SPOCK1: variants seen among roughly 807,000 people sequenced by gnomAD.
The protein encoded by SPOCK1 is SPARC (osteonectin), cwcv and kazal like domains proteoglycan 1, also known as testican-1.
A neutral mutation model predicts 55.3 loss-of-function variants in SPOCK1; 23 were observed. The ratio of observed to expected loss-of-function variants is 0.42; its 90% CI spans 0.30 to 0.59. The LOEUF is 0.59. SPOCK1 is among the 20% of genes least tolerant of loss of function. The probability of loss-of-function intolerance (pLI) is 0.22; values close to 1 mark genes in which losing one functional copy is unlikely to be tolerated. For missense variants in SPOCK1, 499 were observed against 552.5 expected (o/e 0.90, Z 0.97); for synonymous variants, 226 against 221.0 (o/e 1.02, Z -0.20).
chr5:136,993,200 T>A (rs373651727), intron 6 of SPOCK1: 2 of 152,224 alleles, frequency 1.3e-5, no homozygotes, highest in East Asian at 3.9e-4. Flanking sequence ...AGCCCATCTA[T>A]AACTATTTAG....
At chr5:137,250,560 G>A (rs988122575) in intron 3 of SPOCK1, among the ~76,000 whole-genome samples, 3 of 152,168 alleles carry the variant, frequency 2.0e-5, no homozygotes, top group Non-Finnish European at 4.4e-5. Context: ...CAGCCTCCCT[G>A]AATGCTCCCT....
Position 137,130,088 on chromosome 5 carries a change from A to G in SPOCK1, c.347+10492T>C, listed in dbSNP as rs144827351. 2.8e-3 allele frequency among the ~76,000 whole-genome samples: 426 copies of G among 152,276 alleles called. 3 individuals are homozygous for G. The highest frequency in any genetic ancestry group is 9.6e-3 in the African/African-American group (399 of 41,552). On this transcript the variant is annotated intron_variant, in intron 4 of 10. Coordinates refer to ENST00000394945, the MANE Select transcript of SPOCK1 (RefSeq NM_004598.4). ...ATGAGTGAAGACAGCCAGCCTGTGA[A>G]GCTAGAGGCAAGATGGAGTCACCCA...
intron 3 of SPOCK1, among the ~76,000 whole-genome samples, chr5:137,237,800 C>T (rs1580822598): frequency 6.6e-6 from 1 of 152,132 alleles, no homozygotes; most frequent in Non-Finnish European, 1.5e-5. Context: ...GGGCCTCATT[C>T]CCTGAGTTCC....
intron 2 of SPOCK1, among the ~76,000 whole-genome samples, chr5:137,311,457 A>G (rs1309110161): frequency 6.6e-6 from 1 of 152,254 alleles, no homozygotes; most frequent in East Asian, 1.9e-4. Flanking sequence ...TTCTTCTTCC[A>G]TAAATAATTA....
intron 3 of SPOCK1, among the ~76,000 whole-genome samples, chr5:137,179,573 T>A (rs1754927016): frequency 6.6e-6 from 1 of 152,130 alleles, no homozygotes; most frequent in South Asian, 2.1e-4. Context: ...TTTAACCACC[T>A]TTTTGACCAA....
At chr5:137,256,921 A>C (rs1756646129) in intron 3 of SPOCK1, among the ~76,000 whole-genome samples, 1 of 152,212 alleles carries the variant, frequency 6.6e-6, no homozygotes, top group South Asian at 2.1e-4. Context: ...CCAGCATTGA[A>C]GAATTAAGTT....
intron 2 of SPOCK1, among the ~76,000 whole-genome samples, chr5:137,268,725 A>T (rs1465642932): frequency 1.3e-5 from 1 of 79,602 alleles, no homozygotes; most frequent in African/African-American, 6.0e-5. Flanking sequence ...AAGTGGAGAA[A>T]AAAAGGATCA....
intron 9 of SPOCK1, among the ~76,000 whole-genome samples, chr5:136,983,279 G>GACTTCAACC (rs1750768123): frequency 6.6e-6 from 1 of 152,118 alleles, no homozygotes; most frequent in African/African-American, 2.4e-5. Flanking sequence ...TTTGAACCAA[G>GACTTCAACC]ACTTCAACCC....
At chr5:137,009,821 C>T (rs1751317908) in intron 6 of SPOCK1, among the ~76,000 whole-genome samples, 1 of 152,152 alleles carries the variant, frequency 6.6e-6, no homozygotes, top group Non-Finnish European at 1.5e-5. Flanking sequence ...CTAAATCAGA[C>T]ACTCTGGGGG....
intron 2 of SPOCK1, among the ~76,000 whole-genome samples, chr5:137,433,288 A>G (rs1276581289): frequency 2.0e-5 from 3 of 152,210 alleles, no homozygotes; most frequent in African/African-American, 7.2e-5. Flanking sequence ...ACAGCAGAGC[A>G]TCTTGTTTGG....
chr5:137,298,288 T>G lies in SPOCK1; in HGVS notation c.187-31233A>C, dbSNP rs144032269. Among the ~76,000 whole-genome samples, 962 of 152,270 alleles carry G rather than the reference T, an allele frequency of 6.3e-3. 13 individuals carry two copies. Among genetic ancestry groups the G allele is most frequent in the Non-Finnish European group, 7.3e-3 (499 of 68,020 alleles). The stretch of plus-strand genomic sequence containing the variant: ...GGGGTCTCCTGAGAGCATGTTTAAT[T>G]TCCATTTATTTAGGATTTTGTTGAT... On this transcript the variant is annotated intron_variant, in intron 2 of 10. Coordinates refer to ENST00000394945, the MANE Select transcript of SPOCK1 (RefSeq NM_004598.4).
At chr5:137,097,924 C>T (rs1324898271) in intron 5 of SPOCK1, among the ~76,000 whole-genome samples, 1 of 152,118 alleles carries the variant, frequency 6.6e-6, no homozygotes, top group East Asian at 1.9e-4. Flanking sequence ...TGGTGCAATC[C>T]CACCTACCCG....
intron 2 of SPOCK1, among the ~76,000 whole-genome samples, chr5:137,481,594 C>T (rs1391873793): frequency 4.6e-5 from 7 of 152,200 alleles, no homozygotes; most frequent in African/African-American, 1.7e-4. Flanking sequence ...AACACTAACT[C>T]TGTAGTGGGG....
At chr5:137,452,964 C>A (rs928867801) in intron 2 of SPOCK1, among the ~76,000 whole-genome samples, 1 of 152,152 alleles carries the variant, frequency 6.6e-6, no homozygotes, top group Admixed American at 6.6e-5. Flanking sequence ...CACTAGCACC[C>A]TAAGAATCCA....
intron 3 of SPOCK1, among the ~76,000 whole-genome samples, chr5:137,251,483 T>C (rs1756527981): frequency 6.6e-6 from 1 of 152,188 alleles, no homozygotes; most frequent in African/African-American, 2.4e-5. Flanking sequence ...TGGTTCCCCC[T>C]GTGTGAAGTG....
At chr5:136,989,060 A>G (rs1248506528) in intron 7 of SPOCK1, among the ~76,000 whole-genome samples, 1 of 152,230 alleles carries the variant, frequency 6.6e-6, no homozygotes, top group East Asian at 1.9e-4. Flanking sequence ...TTTTAAAAGG[A>G]TAGCAGTGAA....
chr5:137,227,188 C>T (rs1256426714), intron 3 of SPOCK1, among the ~76,000 whole-genome samples: 1 of 152,176 alleles, frequency 6.6e-6, no homozygotes, highest in East Asian at 1.9e-4. Flanking sequence ...GTACTTTTCC[C>T]TTAGCTTCAA....
At position 137,184,132 on chromosome 5, in the gene SPOCK1, A is replaced by G. The variant is rs137962515; in HGVS notation, c.233-43438T>C. On this transcript the variant is annotated intron_variant, in intron 3 of 10. Transcript: ENST00000394945. ...CAAGAACAAATTTTACCAATTTTTA[A>G]GTGTAGTTTTGCTTTCCTCAATGAC... Among the ~76,000 whole-genome samples the G allele has an allele frequency of 3.8e-3, 575 of 152,334 alleles. 4 individuals are homozygous for G. The highest frequency in any genetic ancestry group is 0.013 in the African/African-American group (534 of 41,568).
chr5:137,112,840 C>T (rs1233338450), intron 4 of SPOCK1, among the ~76,000 whole-genome samples: 1 of 102,562 alleles, frequency 9.8e-6, no homozygotes, highest in Non-Finnish European at 2.1e-5. Flanking sequence ...TTACAACACA[C>T]AGAAAAAAAA....
Sources: gnomAD v4.1 joint callset for allele counts (sites outside exome capture counted in the v4.1 genomes callset) on GRCh38, gnomAD v4.1.1 for gene constraint, MANE v1.5 for transcripts, NCBI Gene and HGNC (gene_info 2026-07-23, HGNC 2026-07-21) for gene names.